The following SMCHD1 variants were observed in gnomAD, a reference collection of about 807,000 sequenced individuals.
SMCHD1 encodes structural maintenance of chromosomes flexible hinge domain-containing protein 1.
SMCHD1 carries 78 observed loss-of-function variants against 254.7 expected under a neutral mutation model. The ratio of observed to expected loss-of-function variants is 0.31; its 90% CI spans 0.26 to 0.37. The LOEUF (loss-of-function observed/expected upper bound fraction) is 0.37, where lower values mean the gene tolerates loss of function less well. Ranked by LOEUF, SMCHD1 falls within the 10% of genes least tolerant of loss-of-function variation. The probability of loss-of-function intolerance (pLI) is 1.00; values close to 1 mark genes in which losing one functional copy is unlikely to be tolerated. For missense variants in SMCHD1, 1,840 were observed against 2,408.1 expected (o/e 0.76, Z 4.94); for synonymous variants, 766 against 794.9 (o/e 0.96, Z 0.61).
In SMCHD1 at chr18:2,796,003, A is replaced by T. The variant is rs759947358; in HGVS notation, c.5774A>T (p.Asp1925Val). 6.3e-7 allele frequency: 1 copy of T among 1,598,396 alleles called. No individual in the cohort carries two copies. The highest frequency in any genetic ancestry group is 8.5e-7 in the Non-Finnish European group (1 of 1,172,080). Reference sequence around the variant, plus strand: ...TGCAAACTAGACAGTGTGAATAAGGATCTTAACAGTCAATTAGAGTACCTT... The same window carrying T: ...TGCAAACTAGACAGTGTGAATAAGGTTCTTAACAGTCAATTAGAGTACCTT... ...AVCKLDSVNK[D>V]LNSQLEYLRT... Residue 1925 changes from aspartate to valine, a missense_variant, in exon 46 of 48, where the codon GAT becomes GTT. Coordinates refer to ENST00000320876, the MANE Select transcript of SMCHD1 (RefSeq NM_015295.3).
intron 1 of SMCHD1, among the ~76,000 whole-genome samples, chr18:2,660,395 G>C (rs2073211667): frequency 1.3e-5 from 2 of 150,242 alleles, no homozygotes; most frequent in Admixed American, 1.3e-4. Context: ...AATTTTTATA[G>C]ATGAAGCAGG....
chr18:2,671,735 G>A (rs1177643241), intron 3 of SMCHD1, among the ~76,000 whole-genome samples: 2 of 151,356 alleles, frequency 1.3e-5, no homozygotes, highest in East Asian at 3.9e-4. Context: ...AGCTGGGACT[G>A]CAGGCGCCCA....
intron 37 of SMCHD1, among the ~76,000 whole-genome samples, chr18:2,765,559 A>G (rs987912300): frequency 1.3e-5 from 2 of 152,318 alleles, no homozygotes; most frequent in African/African-American, 2.4e-5. Context: ...TCCAACATTT[A>G]AAGTTCTGGA....
chr18:2,738,068 C>T (rs547643055), intron 25 of SMCHD1, among the ~76,000 whole-genome samples: 4 of 152,092 alleles, frequency 2.6e-5, no homozygotes, highest in Admixed American at 2.6e-4. Flanking sequence ...TTGAATATTG[C>T]TTTTCAGAAT....
chr18:2,721,097 C>G (rs922236961), intron 19 of SMCHD1, among the ~76,000 whole-genome samples: 1 of 152,186 alleles, frequency 6.6e-6, no homozygotes, highest in African/African-American at 2.4e-5. Context: ...TGTTTTATTT[C>G]AATTTCACTA....
chr18:2,755,205 G>A (rs1267216777), intron 34 of SMCHD1, among the ~76,000 whole-genome samples: 2 of 151,986 alleles, frequency 1.3e-5, no homozygotes, highest in African/African-American at 4.8e-5. Context: ...CAGACCCACA[G>A]CACTACGCCT....
chr18:2,669,041 A>AT (rs749127984), intron 3 of SMCHD1, among the ~76,000 whole-genome samples: 1 of 143,832 alleles, frequency 7.0e-6, no homozygotes. Context: ...TGCCCAGCTA[A>AT]TTAAAAAAAA....
At chr18:2,725,278 G>A (rs888560958) in intron 21 of SMCHD1, among the ~76,000 whole-genome samples, 2 of 149,692 alleles carry the variant, frequency 1.3e-5, no homozygotes, top group Non-Finnish European at 3.0e-5. Flanking sequence ...CCATTTTTTC[G>A]ACATAGTTAT....
intron 15 of SMCHD1, chr18:2,706,696 T>C (rs977432760): frequency 1.3e-5 from 5 of 389,032 alleles, no homozygotes; most frequent in African/African-American, 6.2e-5. Context: ...ATATCTAAAG[T>C]GTCACTTTTA....
At chr18:2,776,992 C>T (rs1439510306) in intron 42 of SMCHD1, among the ~76,000 whole-genome samples, 1 of 152,024 alleles carries the variant, frequency 6.6e-6, no homozygotes, top group Non-Finnish European at 1.5e-5. Context: ...TAGCCTCAAA[C>T]TTGTGGGCTC....
intron 8 of SMCHD1, 68 bp downstream of exon 8, chr18:2,694,761 TATA>T: frequency 2.2e-6 from 3 of 1,340,324 alleles, no homozygotes; most frequent in Non-Finnish European, 3.2e-6. Flanking sequence ...ACATTACAGA[TATA>T]TTGAAGCCTC....
chr18:2,776,776 A>G (rs1475796674), intron 42 of SMCHD1, among the ~76,000 whole-genome samples: 1 of 152,178 alleles, frequency 6.6e-6, no homozygotes, highest in Non-Finnish European at 1.5e-5. Flanking sequence ...TTGAGGAAAC[A>G]GCTGTATGTT....
At position 2,750,078 on chromosome 18, in the gene SMCHD1, G is replaced by C; in HGVS notation, c.3963G>C (p.Glu1321Asp). ...MPSNQQHKTD[E>D]KGRANLGVFS... ...CAAACCAACAGCATAAAACAGATGA[G>C]AAAGGCAGGGCTAATTTGGGAGTAT... Residue 1321 changes from glutamate to aspartate, a missense_variant, in exon 31 of 48, where the codon GAG (glutamate) becomes GAC (aspartate). By Grantham distance (45) the Glu-to-Asp change is conservative (BLOSUM62 2). Around this residue, in one of 9 missense-constraint regions of SMCHD1, gnomAD observed 881 missense variants for 1,009.5 expected, o/e 0.87. Transcript: ENST00000320876. 6.3e-7 allele frequency: 1 copy of C among 1,577,450 alleles called. No homozygotes were observed. The highest frequency in any genetic ancestry group is 8.6e-7 in the Non-Finnish European group (1 of 1,159,758).
chr18:2,662,983 C>T (rs1288331539), intron 1 of SMCHD1, among the ~76,000 whole-genome samples: 1 of 152,146 alleles, frequency 6.6e-6, no homozygotes, highest in Non-Finnish European at 1.5e-5. Context: ...GAGGCCTACA[C>T]TTGATGGGCT....
intron 39 of SMCHD1, among the ~76,000 whole-genome samples, chr18:2,770,838 C>G (rs552319874): frequency 6.6e-6 from 1 of 152,202 alleles, no homozygotes; most frequent in East Asian, 1.9e-4. Context: ...CCGGGCTGGT[C>G]TCGAACTTCT....
rs1271520001 is a variant in SMCHD1 at position 2,705,792 on chromosome 18, G to C, written c.1941G>C (p.Glu647Asp). ...HDGEVYATGG[E>D]VQIAMEPQAL... ...GAGAAGTATATGCTACAGGAGGAGA[G>C]GTTCAAATTGCAATGGTAAGACAGC... Residue 647 changes from glutamate to aspartate, a missense_variant, in exon 14 of 48, where the codon GAG (glutamate) becomes GAC (aspartate). By Grantham distance (45) the Glu-to-Asp change is conservative (BLOSUM62 2). Coordinates refer to ENST00000320876, the MANE Select transcript of SMCHD1 (RefSeq NM_015295.3). 1 of 1,592,502 alleles carries C rather than the reference G, an allele frequency of 6.3e-7. No homozygotes were observed. The highest frequency in any genetic ancestry group is 8.6e-7 in the Non-Finnish European group (1 of 1,165,194).
At chr18:2,670,665 C>T (rs781311251) in intron 3 of SMCHD1, among the ~76,000 whole-genome samples, 13 of 152,028 alleles carry the variant, frequency 8.6e-5, no homozygotes, top group African/African-American at 3.1e-4. Context: ...CTTTGGGAAG[C>T]CCCGGCGGGC....
At chr18:2,693,615 C>T (rs1004519379) in intron 7 of SMCHD1, among the ~76,000 whole-genome samples, 2 of 146,756 alleles carry the variant, frequency 1.4e-5, no homozygotes, top group East Asian at 1.9e-4. Flanking sequence ...TGCGTGCATA[C>T]CATGTTTTTT....
intron 8 of SMCHD1, among the ~76,000 whole-genome samples, chr18:2,696,380 T>A (rs1282495767): frequency 6.6e-6 from 1 of 152,176 alleles, no homozygotes; most frequent in African/African-American, 2.4e-5. Context: ...GTCAGATCAC[T>A]GGCAGCACTA....
Sources: allele counts gnomAD v4.1 joint callset (sites outside exome capture counted in the v4.1 genomes callset), GRCh38; gene constraint gnomAD v4.1.1; regional missense constraint gnomAD v4.1.1; transcripts MANE v1.5; gene names NCBI Gene and HGNC (gene_info 2026-07-23, HGNC 2026-07-21).